The following KIF13B variants were observed in gnomAD, a reference collection of about 807,000 sequenced individuals.
KIF13B encodes the protein kinesin-like protein KIF13B.
In KIF13B, 127 loss-of-function variants were observed where a neutral mutation model predicts 222.0. The ratio of observed to expected loss-of-function variants is 0.57; its 90% CI spans 0.50 to 0.66. The LOEUF is 0.66. Among genes scored for constraint, KIF13B ranks in the 30% least tolerant of loss-of-function variants. The probability of loss-of-function intolerance (pLI) is 0.00; values close to 1 mark genes in which losing one functional copy is unlikely to be tolerated. For missense variants in KIF13B, 2,173 were observed against 2,379.0 expected, an observed-to-expected ratio of 0.91 and a Z score of 1.80; for synonymous variants, 976 against 919.0, an observed-to-expected ratio of 1.06 and a Z score of -1.12.
intron 23 of KIF13B, 24 bp from the exon 24 acceptor site, chr8:29,130,689 G>A: frequency 6.2e-7 from 1 of 1,612,672 alleles, no homozygotes. Context: ...GAAGTTCTTG[G>A]AAAATCATAC....
At chr8:29,122,558 AG>A (rs779602780) in intron 29 of KIF13B, 32 bp downstream of exon 29, 13 of 1,571,382 alleles carry the variant, frequency 8.3e-6, no homozygotes, top group Non-Finnish European at 1.1e-5. Context: ...AAATTTTCAG[AG>A]GTAAGCCTTC....
At chr8:29,161,215 TA>T (rs1811761091) in intron 12 of KIF13B, among the ~76,000 whole-genome samples, 1 of 152,210 alleles carries the variant, frequency 6.6e-6, no homozygotes, top group African/African-American at 2.4e-5. Flanking sequence ...GGATCCTTCT[TA>T]AAAGCAAAGG....
At chr8:29,122,014 G>A (rs1809883039) in intron 29 of KIF13B, among the ~76,000 whole-genome samples, 2 of 152,142 alleles carry the variant, frequency 1.3e-5, no homozygotes, top group African/African-American at 4.8e-5. Context: ...CAGCACTTTG[G>A]GAGGCCAAGG....
At position 29,108,181 on chromosome 8, in the gene KIF13B, G is replaced by A; in HGVS notation, c.4173C>T (p.Ser1391=). The part of the protein sequence containing the change: ...SSPNVNRLSG[S]RQDLIPSYSL... ...TGTATGATGGAATGAGATCTTGTCGGCTTCCAGACAACTGAAGAAGAAAGA... is the reference window on the plus strand; with the variant it reads ...TGTATGATGGAATGAGATCTTGTCGACTTCCAGACAACTGAAGAAGAAAGA... Residue 1391 remains serine, a synonymous_variant, in exon 35 of 40, where the codon AGC becomes AGT. Coordinates refer to ENST00000524189, the MANE Select transcript of KIF13B (RefSeq NM_015254.4). 6.2e-7 allele frequency: 1 copy of A among 1,612,290 alleles called. No homozygotes were observed. The highest frequency in any genetic ancestry group is 1.1e-5 in the South Asian group (1 of 90,518).
rs375824246 is a variant in KIF13B, at chr8:29,241,606, G to C, written c.149+3740C>G. Among the ~76,000 whole-genome samples, 76 of 150,206 alleles carry C rather than the reference G, an allele frequency of 5.1e-4. No homozygotes were observed. In the South Asian group the frequency reaches 7.6e-3, roughly 15 times the overall value. ...GTGTTGACATTTGTGCTGGTGGCAC[G>C]AACATGATGGAGGGGAAACTGCTGG... is the stretch of plus-strand genomic sequence containing the variant. On this transcript the variant is annotated intron_variant, in intron 2 of 39. Coordinates refer to ENST00000524189, the MANE Select transcript of KIF13B (RefSeq NM_015254.4).
At chr8:29,241,798 T>C (rs1050748613) in intron 2 of KIF13B, among the ~76,000 whole-genome samples, 1 of 151,964 alleles carries the variant, frequency 6.6e-6, no homozygotes, top group Non-Finnish European at 1.5e-5. Context: ...TCTCGGCCCT[T>C]GAGTACACAG....
intron 6 of KIF13B, among the ~76,000 whole-genome samples, chr8:29,182,822 T>C (rs935075539): frequency 1.2e-4 from 19 of 152,228 alleles, no homozygotes; most frequent in African/African-American, 4.6e-4. Flanking sequence ...ATGGTGACTA[T>C]AGTCAGCAAC....
chr8:29,218,388 C>T (rs922942115), intron 2 of KIF13B, among the ~76,000 whole-genome samples: 5 of 152,224 alleles, frequency 3.3e-5, no homozygotes, highest in African/African-American at 1.2e-4. Flanking sequence ...TACGTCTGTT[C>T]TCTGTCAACA....
chr8:29,243,158 C>T (rs913630095), intron 2 of KIF13B, among the ~76,000 whole-genome samples: 1 of 151,770 alleles, frequency 6.6e-6, no homozygotes, highest in African/African-American at 2.4e-5. Flanking sequence ...ACCAGCCTGG[C>T]CAACATGGTG....
In KIF13B at chr8:29,147,417, G is replaced by A. The variant is rs1195486165; in HGVS notation, c.1999C>T (p.Arg667Cys). ...CTCTCCTCAGCCCACTGTCTTAAGC[G>A]TTGCTGAGCGCTGGGCGAGTGGAAA... ...FSFHSPSAQQ[R>C]LRQWAEEREA... is the part of the protein sequence containing the mutation. The change falls in exon 17 of 40, where the codon CGC (arginine) becomes TGC (cysteine). Residue 667 changes from arginine (R) to cysteine (C), a missense_variant. Physicochemically the swap from Arg to Cys is radical, Grantham distance 180 (BLOSUM62 -3). Around this residue, in one of 2 missense-constraint regions of KIF13B, gnomAD observed 1,480 missense variants for 1,722.8 expected, o/e 0.86. Coordinates refer to ENST00000524189, the MANE Select transcript of KIF13B (RefSeq NM_015254.4). 4.4e-6 allele frequency: 7 copies of A among 1,608,526 alleles called. No homozygotes were observed. The highest frequency in any genetic ancestry group is 1.7e-5 in the Admixed American group (1 of 59,338).
At chr8:29,121,874 A>AAAT (rs1234406925) in intron 29 of KIF13B, among the ~76,000 whole-genome samples, 5 of 152,166 alleles carry the variant, frequency 3.3e-5, no homozygotes, top group Admixed American at 3.3e-4. Context: ...TTTATTAGAT[A>AAAT]ATGCTAAGAA....
At chr8:29,150,016 C>T (rs1265402737) in intron 15 of KIF13B, among the ~76,000 whole-genome samples, 1 of 151,992 alleles carries the variant, frequency 6.6e-6, no homozygotes, top group Non-Finnish European at 1.5e-5. Flanking sequence ...AATTCTTACA[C>T]CACACGGCAA....
chr8:29,072,366 C>T (rs532412791), intron 38 of KIF13B, 50 bp from the exon 39 acceptor site: 3 of 1,268,676 alleles, frequency 2.4e-6, no homozygotes, highest in South Asian at 2.2e-5. Flanking sequence ...CTTTCCAACA[C>T]GAACCAAGCA....
At chr8:29,073,092 T>C (rs79114912) in intron 38 of KIF13B, among the ~76,000 whole-genome samples, 3,955 of 73,284 alleles carry the variant, frequency 0.054, 460 homozygotes, top group South Asian at 0.071. Context: ...AGGAGGGGTA[T>C]GAGGAGGGGG....
At position 29,140,108 on chromosome 8, in the gene KIF13B, C is replaced by G; in HGVS notation, c.2568G>C (p.Glu856Asp). ...ERIAGGDEVA[E>D]VSFEKETQEN... is the part of the protein sequence containing the mutation. Reference sequence around the variant, plus strand: ...CCTGGGTCTCCTTCTCAAAGGAGACCTCTGCCACCTCATCGCCTCCTGCGA... The same window carrying G: ...CCTGGGTCTCCTTCTCAAAGGAGACGTCTGCCACCTCATCGCCTCCTGCGA... The change falls in exon 21 of 40, where the codon GAG becomes GAC. Residue 856 changes from glutamate (E) to aspartate (D), a missense_variant. Physicochemically the swap from Glu to Asp is conservative, Grantham distance 45 (BLOSUM62 2). This residue lies in a region of KIF13B where 1,480 missense variants were observed against 1,722.8 expected (regional missense o/e 0.86). Transcript: ENST00000524189. 1 of 1,610,646 alleles carries G rather than the reference C, an allele frequency of 6.2e-7. No individual in the cohort carries two copies. Among genetic ancestry groups the G allele is most frequent in the Non-Finnish European group, 8.5e-7 (1 of 1,178,536 alleles).
At chr8:29,210,707 TTTTCC>T (rs1814182483) in intron 2 of KIF13B, among the ~76,000 whole-genome samples, 1 of 152,338 alleles carries the variant, frequency 6.6e-6, no homozygotes, top group African/African-American at 2.4e-5. Flanking sequence ...TCCCTGGTCC[TTTTCC>T]TTTAACTTTT....
chr8:29,093,344 G>A (rs943046815), intron 36 of KIF13B, among the ~76,000 whole-genome samples: 5 of 152,126 alleles, frequency 3.3e-5, no homozygotes, highest in African/African-American at 1.2e-4. Flanking sequence ...CTGACCTTTT[G>A]GGAAAAGGGT....
chr8:29,162,374 A>G (rs1455340548), intron 12 of KIF13B, among the ~76,000 whole-genome samples: 1 of 152,232 alleles, frequency 6.6e-6, no homozygotes, highest in Non-Finnish European at 1.5e-5. Context: ...ACAAAATTGA[A>G]ATGTGTATTT....
At chr8:29,215,971 T>C (rs1190578148) in intron 2 of KIF13B, among the ~76,000 whole-genome samples, 1 of 152,202 alleles carries the variant, frequency 6.6e-6, no homozygotes, top group African/African-American at 2.4e-5. Flanking sequence ...CATGGGTGTG[T>C]ATGTAGATAA....
Sources: gnomAD v4.1 joint callset for allele counts (sites outside exome capture counted in the v4.1 genomes callset) on GRCh38, gnomAD v4.1.1 for gene constraint, gnomAD v4.1.1 regional missense constraint, MANE v1.5 for transcripts, NCBI Gene and HGNC (gene_info 2026-07-23, HGNC 2026-07-21) for gene names.